The following RFTN1 variants were observed in gnomAD, a reference collection of about 807,000 sequenced individuals.
The protein encoded by RFTN1 is raftlin.
In RFTN1, 26 loss-of-function variants were observed where a neutral mutation model predicts 46.5. The ratio of observed to expected loss-of-function variants is 0.56; its 90% CI spans 0.41 to 0.78. The LOEUF is 0.78. Among genes scored for constraint, RFTN1 ranks in the 30% least tolerant of loss-of-function variants. RFTN1 has a pLI of 0.00. For synonymous variants in RFTN1, 261 were observed against 284.2 expected, an observed-to-expected ratio of 0.92 and a Z score of 0.82; for missense variants, 693 against 718.7, an observed-to-expected ratio of 0.96 and a Z score of 0.41.
In RFTN1 at chr3:16,468,342, G is replaced by A. The variant is rs748176022; in HGVS notation, c.145+25383C>T. ...TACCTGCATTCTGTCTCGAGTTTCCGGTAGATAAGTAGGGCTCCCTTAGAT... is the reference window on the plus strand; with the variant it reads ...TACCTGCATTCTGTCTCGAGTTTCCAGTAGATAAGTAGGGCTCCCTTAGAT... On this transcript the variant is annotated intron_variant, in intron 2 of 9. Transcript: ENST00000334133. The surrounding 1 kb of genome is among the most constrained non-coding windows in gnomAD (Gnocchi z 4.4). 2.0e-5 allele frequency among the ~76,000 whole-genome samples: 3 copies of A among 152,084 alleles called. No homozygotes were observed. Among genetic ancestry groups the A allele is most frequent in the Non-Finnish European group, 4.4e-5 (3 of 68,028 alleles).
intron 2 of RFTN1, among the ~76,000 whole-genome samples, chr3:16,470,365 C>T (rs1351429074): frequency 1.3e-5 from 2 of 152,234 alleles, no homozygotes; most frequent in Non-Finnish European, 2.9e-5. Context: ...AAGTACTGCA[C>T]TGGGCGAGGT....
rs1172834341 is a variant in RFTN1, at chr3:16,334,511, G to A, written c.1147-7635C>T. ...CTGGAAACTACTCAAGTGCCCATCA[G>A]TGCTGGATTTGTATTTAACATTATG... On this transcript the variant is annotated intron_variant, in intron 7 of 9. Transcript: ENST00000334133. This position sits in a 1 kb window ranked among gnomAD's most constrained non-coding sequence, Gnocchi z 4.3. 6.6e-6 allele frequency among the ~76,000 whole-genome samples: 1 copy of A among 152,226 alleles called. No individual in the cohort carries two copies. The highest frequency in any genetic ancestry group is 1.5e-5 in the Non-Finnish European group (1 of 68,046).
chr3:16,345,086 A>T lies in RFTN1; in HGVS notation c.1146+12846T>A, dbSNP rs1252926761. 6.6e-6 allele frequency: 1 copy of T among 152,252 alleles called. No homozygotes were observed. The highest frequency in any genetic ancestry group is 1.5e-5 in the Non-Finnish European group (1 of 68,068). 9.4% of individuals were successfully genotyped at this position (152,252 alleles called of 1,614,324 possible). On this transcript the variant is annotated intron_variant, in intron 7 of 9. Transcript: ENST00000334133. The surrounding 1 kb of genome is among the most constrained non-coding windows in gnomAD (Gnocchi z 5.2). ...AAACAAGGACCTCAGACCTGCAACCACAAGGCCAACAACCTAAGTGAGCTT... is the reference window on the plus strand; with the variant it reads ...AAACAAGGACCTCAGACCTGCAACCTCAAGGCCAACAACCTAAGTGAGCTT...
rs111864576 is a variant in RFTN1, at chr3:16,463,078, A to C, written c.146-29041T>G. Among the ~76,000 whole-genome samples, 74 of 152,370 alleles carry C rather than the reference A, an allele frequency of 4.9e-4. 1 individual carries two copies. Among genetic ancestry groups the C allele is most frequent in the African/African-American group, 1.8e-3 (74 of 41,594 alleles). On this transcript the variant is annotated intron_variant, in intron 2 of 9. Coordinates refer to ENST00000334133, the MANE Select transcript of RFTN1 (RefSeq NM_015150.2). ...ACTAGAGACAGAAATCTACAATGCC[A>C]GTGTGTTGTTTGTTTCTAAATAACA...
In RFTN1 at chr3:16,329,493, C is replaced by G. The variant is rs143064886; in HGVS notation, c.1147-2617G>C. On this transcript the variant is annotated intron_variant, in intron 7 of 9. Coordinates refer to ENST00000334133, the MANE Select transcript of RFTN1 (RefSeq NM_015150.2). The surrounding 1 kb of genome is among the most constrained non-coding windows in gnomAD (Gnocchi z 4.5). Reference sequence around the variant, plus strand: ...TCCCTTCCCTGAAGCCTCTATCAGGCCAGAGATGGCCCAGCAGTTGTGACC... The same window carrying G: ...TCCCTTCCCTGAAGCCTCTATCAGGGCAGAGATGGCCCAGCAGTTGTGACC... Among the ~76,000 whole-genome samples the G allele has an allele frequency of 1.1e-3, 164 of 152,286 alleles. 2 individuals are homozygous for G. The East Asian group carries it at 0.015, about 14-fold the overall frequency.
chr3:16,415,243 A>G (rs562784267), intron 3 of RFTN1, among the ~76,000 whole-genome samples: 1 of 151,974 alleles, frequency 6.6e-6, no homozygotes, highest in Admixed American at 6.6e-5. Flanking sequence ...GACTCCAAGG[A>G]TCTTTGCCTT....
Position 16,344,638 on chromosome 3 carries a change from C to T in RFTN1, c.1146+13294G>A, listed in dbSNP as rs1434454133. The stretch of plus-strand genomic sequence containing the variant: ...GTCCACCACCTTCTAGATCACTGCA[C>T]AAGCCCCTGAAAAAGATGTGAAACA... On this transcript the variant is annotated intron_variant, in intron 7 of 9. Coordinates refer to ENST00000334133, the MANE Select transcript of RFTN1 (RefSeq NM_015150.2). This position sits in a 1 kb window ranked among gnomAD's most constrained non-coding sequence, Gnocchi z 4.4. 1.3e-5 allele frequency among the ~76,000 whole-genome samples: 2 copies of T among 152,132 alleles called. No individual in the cohort carries two copies. The highest frequency in any genetic ancestry group is 2.4e-5 in the African/African-American group (1 of 41,430).
chr3:16,358,082 TC>T (rs67265703), intron 6 of RFTN1, 35 bp from the exon 7 acceptor site: 1 of 913,828 alleles, frequency 1.1e-6, no homozygotes, highest in Admixed American at 1.7e-5. Context: ...GTGGGGGGGG[TC>T]TGTAAACCGT....
rs2075657716 is a variant in RFTN1, at chr3:16,442,916, CT to C, written c.146-8880del. On this transcript the variant is annotated intron_variant, in intron 2 of 9. Coordinates refer to ENST00000334133, the MANE Select transcript of RFTN1 (RefSeq NM_015150.2). The surrounding 1 kb of genome is among the most constrained non-coding windows in gnomAD (Gnocchi z 4.1). The stretch of plus-strand genomic sequence containing the variant: ...GCTGTTGTAAATGGAGGATCATCTT[CT>C]TTTTTAAGGCTGAATAATACTCCAT... Among the ~76,000 whole-genome samples the C allele has an allele frequency of 6.6e-6, 1 of 152,174 alleles. No individual in the cohort carries two copies. Among genetic ancestry groups the C allele is most frequent in the Non-Finnish European group, 1.5e-5 (1 of 68,022 alleles).
At chr3:16,472,264 AAG>A (rs986662260) in intron 2 of RFTN1, 2 of 152,278 alleles carry the variant, frequency 1.3e-5, no homozygotes, top group Admixed American at 6.5e-5. Context: ...TTGGGATGGA[AAG>A]CCACTGAGAA....
At chr3:16,369,245 C>T (rs1351473217) in intron 6 of RFTN1, among the ~76,000 whole-genome samples, 1 of 152,250 alleles carries the variant, frequency 6.6e-6, no homozygotes, top group East Asian at 1.9e-4. Flanking sequence ...TCTGTTAATT[C>T]TTGAGAGAAA....
chr3:16,468,384 C>G lies in RFTN1; in HGVS notation c.145+25341G>C, dbSNP rs1182763573. Among the ~76,000 whole-genome samples the G allele has an allele frequency of 2.6e-5, 4 of 152,266 alleles. No individual in the cohort carries two copies. The highest frequency in any genetic ancestry group is 7.2e-5 in the African/African-American group (3 of 41,542). On this transcript the variant is annotated intron_variant, in intron 2 of 9. Coordinates refer to ENST00000334133, the MANE Select transcript of RFTN1 (RefSeq NM_015150.2). This position sits in a 1 kb window ranked among gnomAD's most constrained non-coding sequence, Gnocchi z 4.4. ...CCCTTAGATGCTGTCTGCCTATACC[C>G]CATGACTGTCAAAAATGTCCCCACC...
At chr3:16,439,141 G>T (rs181301742) in intron 2 of RFTN1, among the ~76,000 whole-genome samples, 2 of 152,130 alleles carry the variant, frequency 1.3e-5, no homozygotes, top group East Asian at 3.9e-4. Flanking sequence ...TGATCTTAAA[G>T]CAATAAAAAA....
In RFTN1 at chr3:16,513,203, T is replaced by A. The variant is rs1693742295; in HGVS notation, c.-9+239A>T. On this transcript the variant is annotated intron_variant, in intron 1 of 9. Coordinates refer to ENST00000334133, the MANE Select transcript of RFTN1 (RefSeq NM_015150.2). The surrounding 1 kb of genome is among the most constrained non-coding windows in gnomAD (Gnocchi z 5.4). ...TCCAGGAATGACTCCCCTACACCCGTTCCCCGCAAAAAAAAGTTGGCCCAA... is the reference window on the plus strand; with the variant it reads ...TCCAGGAATGACTCCCCTACACCCGATCCCCGCAAAAAAAAGTTGGCCCAA... 6.5e-6 allele frequency: 1 copy of A among 152,692 alleles called. No individual in the cohort carries two copies. The highest frequency in any genetic ancestry group is 2.1e-4 in the South Asian group (1 of 4,838). The allele number at this position is 152,692 out of a possible 1,614,324, so 9.5% of individuals were successfully genotyped here.
Position 16,460,615 on chromosome 3 carries a change from ATCT to A in RFTN1, c.146-26581_146-26579del, listed in dbSNP as rs1287294819. On this transcript the variant is annotated intron_variant, in intron 2 of 9. Transcript: ENST00000334133. The surrounding 1 kb of genome is among the most constrained non-coding windows in gnomAD (Gnocchi z 4.8). ...GGGAATATATATTTTTTTAACCTAA[ATCT>A]TCTTCTCATTTTCTCCTTTTTTGGT... 7.9e-5 allele frequency among the ~76,000 whole-genome samples: 12 copies of A among 152,226 alleles called. No homozygotes were observed. In the East Asian group the frequency reaches 1.9e-3, roughly 24 times the overall value.
chr3:16,477,625 C>T (rs549166584), intron 2 of RFTN1, among the ~76,000 whole-genome samples: 99 of 152,332 alleles, frequency 6.5e-4, no homozygotes, highest in African/African-American at 1.9e-3. Flanking sequence ...CCACTGACGG[C>T]AGCGACCAGA....
rs1400690430 is a variant in RFTN1 at position 16,370,498 on chromosome 3, G to A, written c.827-219C>T. 6.6e-6 allele frequency among the ~76,000 whole-genome samples: 1 copy of A among 152,194 alleles called. No individual in the cohort carries two copies. The highest frequency in any genetic ancestry group is 1.5e-5 in the Non-Finnish European group (1 of 68,038). On this transcript the variant is annotated intron_variant, in intron 5 of 9. Coordinates refer to ENST00000334133, the MANE Select transcript of RFTN1 (RefSeq NM_015150.2). This position sits in a 1 kb window ranked among gnomAD's most constrained non-coding sequence, Gnocchi z 5.5. ...CATGGACCTGAAGGGTTGGGCTTCT[G>A]ATGGGGAACTTAGGTTTTTAATCTG...
rs1013937476 is a variant in RFTN1, at chr3:16,342,975, G to A, written c.1146+14957C>T. 5.3e-5 allele frequency among the ~76,000 whole-genome samples: 8 copies of A among 151,914 alleles called. No individual in the cohort carries two copies. The highest frequency in any genetic ancestry group is 1.0e-4 in the Non-Finnish European group (7 of 67,994). The stretch of plus-strand genomic sequence containing the variant: ...CCACTACAGCCCCTCTGAGTCGCTG[G>A]GAATACAGGCACACACCACCATGCC... On this transcript the variant is annotated intron_variant, in intron 7 of 9. Transcript: ENST00000334133. The surrounding 1 kb of genome is among the most constrained non-coding windows in gnomAD (Gnocchi z 4.0).
chr3:16,410,212 T>TACACACACAC lies in RFTN1; in HGVS notation c.333-739_333-730dup, dbSNP rs66657696. ...TTGGTACAATACAGCTTACATGTTA[T>TACACACACAC]ACACACACACACACACACACACACA... On this transcript the variant is annotated intron_variant, in intron 3 of 9. Coordinates refer to ENST00000334133, the MANE Select transcript of RFTN1 (RefSeq NM_015150.2). This position sits in a 1 kb window ranked among gnomAD's most constrained non-coding sequence, Gnocchi z 4.6. 2.7e-4 allele frequency among the ~76,000 whole-genome samples: 38 copies of TACACACACAC among 141,202 alleles called. No homozygotes were observed. Among genetic ancestry groups the TACACACACAC allele is most frequent in the African/African-American group, 7.6e-4 (28 of 37,060 alleles). The allele number at this position is 141,202 out of a possible 152,430, so 92.6% of individuals were successfully genotyped here.
Sources: allele counts gnomAD v4.1 joint callset (sites outside exome capture counted in the v4.1 genomes callset), GRCh38; gene constraint gnomAD v4.1.1; non-coding constraint Gnocchi (gnomAD v3.1); transcripts MANE v1.5; gene names NCBI Gene and HGNC (gene_info 2026-07-23, HGNC 2026-07-21).